SKAP1: variants seen among roughly 807,000 people sequenced by gnomAD.
SKAP1 encodes the protein src kinase associated phosphoprotein 1.
In SKAP1, 44 loss-of-function variants were observed where a neutral mutation model predicts 58.5. That is an observed-to-expected ratio of 0.75 (90% CI 0.59 to 0.97). The LOEUF (loss-of-function observed/expected upper bound fraction) is 0.97. SKAP1 is among the 50% of genes least tolerant of loss of function. The pLI is 0.00. For missense variants in SKAP1, 390 were observed against 435.2 expected (o/e 0.90, Z 0.92); for synonymous variants, 127 against 149.7 (o/e 0.85, Z 1.11).
chr17:48,239,753 C>T (rs1312737457), intron 4 of SKAP1, among the ~76,000 whole-genome samples: 2 of 151,876 alleles, frequency 1.3e-5, no homozygotes, highest in African/African-American at 2.4e-5. Flanking sequence ...TATGACATTA[C>T]ACATACTCAC....
intron 2 of SKAP1, among the ~76,000 whole-genome samples, chr17:48,370,256 T>C (rs182369091): frequency 3.3e-5 from 5 of 152,256 alleles, no homozygotes; most frequent in African/African-American, 4.8e-5. Context: ...TTACTAATCA[T>C]CAGAGAAATG....
rs1216975176 is a variant in SKAP1, at chr17:48,353,841, T to C, written c.179-7835A>G. Among the ~76,000 whole-genome samples the C allele has an allele frequency of 4.8e-5, 7 of 145,594 alleles. No individual in the cohort carries two copies. In the East Asian group the frequency reaches 1.4e-3, roughly 29 times the overall value. On this transcript the variant is annotated intron_variant, in intron 3 of 12. Coordinates refer to ENST00000336915, the MANE Select transcript of SKAP1 (RefSeq NM_003726.4). ...AAAACCCAGGAGGCAGAGGTTGCAG[T>C]GAGCCGAGATCGCGCCATTGCACTC...
intron 4 of SKAP1, among the ~76,000 whole-genome samples, chr17:48,304,788 C>A (rs1166198655): frequency 6.6e-6 from 1 of 152,136 alleles, no homozygotes; most frequent in Non-Finnish European, 1.5e-5. Context: ...AAAGTAGTAA[C>A]CCTACCATTG....
At chr17:48,210,736 GA>G (rs1030670432) in intron 4 of SKAP1, among the ~76,000 whole-genome samples, 3 of 152,184 alleles carry the variant, frequency 2.0e-5, no homozygotes, top group African/African-American at 7.2e-5. Flanking sequence ...AAATACTAAA[GA>G]AATTATTATC....
chr17:48,144,053 C>A (rs1404915183), intron 11 of SKAP1, among the ~76,000 whole-genome samples: 1 of 152,140 alleles, frequency 6.6e-6, no homozygotes, highest in Non-Finnish European at 1.5e-5. Flanking sequence ...GATGTAGAAG[C>A]CTCGCCACAG....
intron 11 of SKAP1, among the ~76,000 whole-genome samples, chr17:48,155,423 G>C (rs1168165734): frequency 6.6e-6 from 1 of 151,666 alleles, no homozygotes; most frequent in Non-Finnish European, 1.5e-5. Flanking sequence ...CTGCCAACAA[G>C]CATTATTATT....
intron 7 of SKAP1, 58 bp from the exon 8 acceptor site, chr17:48,182,515 A>T: frequency 3.1e-6 from 4 of 1,277,904 alleles, no homozygotes; most frequent in Admixed American, 3.6e-5. Flanking sequence ...ATGAATCTTG[A>T]CAGGGATGTC....
intron 6 of SKAP1, among the ~76,000 whole-genome samples, chr17:48,187,306 C>T (rs1298508421): frequency 2.0e-5 from 3 of 152,162 alleles, no homozygotes; most frequent in Non-Finnish European, 4.4e-5. Context: ...CTGCTGCTGT[C>T]ATCTGGCTGA....
intron 4 of SKAP1, among the ~76,000 whole-genome samples, chr17:48,204,918 ATCCTTCCT>A (rs72185809): frequency 5.9e-4 from 88 of 149,574 alleles, no homozygotes; most frequent in African/African-American, 2.0e-3. Context: ...TGTCAAGGAA[ATCCTTCCT>A]TCCTTCCTTC....
At chr17:48,187,084 G>A (rs958440605) in intron 6 of SKAP1, among the ~76,000 whole-genome samples, 3 of 152,172 alleles carry the variant, frequency 2.0e-5, no homozygotes, top group Non-Finnish European at 2.9e-5. Flanking sequence ...TCCCCTATTC[G>A]AAAGTTTGCA....
chr17:48,332,294 CTTACTTTTTATAA>C (rs1029815720), intron 4 of SKAP1, among the ~76,000 whole-genome samples: 9 of 151,938 alleles, frequency 5.9e-5, no homozygotes, highest in African/African-American at 2.2e-4. Context: ...GTTGAATAGG[CTTACTTTTTATAA>C]TTTCTTTTTA....
chr17:48,208,253 C>T (rs2064832427), intron 4 of SKAP1, among the ~76,000 whole-genome samples: 1 of 152,172 alleles, frequency 6.6e-6, no homozygotes, highest in African/African-American at 2.4e-5. Context: ...GCTGTGCTCT[C>T]TTACCTCTTA....
At chr17:48,250,288 T>G (rs549649242) in intron 4 of SKAP1, among the ~76,000 whole-genome samples, 15 of 125,704 alleles carry the variant, frequency 1.2e-4, no homozygotes, top group Middle Eastern at 3.7e-3. Flanking sequence ...TTTTTTTTTT[T>G]TTTTTTTTTT....
intron 4 of SKAP1, among the ~76,000 whole-genome samples, chr17:48,296,227 C>A (rs1306058178): frequency 6.6e-6 from 1 of 151,898 alleles, no homozygotes; most frequent in African/African-American, 2.4e-5. Context: ...AAAAAAAAAC[C>A]ACAGAAGAGA....
At chr17:48,161,794 A>C (rs1020890900) in intron 11 of SKAP1, among the ~76,000 whole-genome samples, 1 of 152,314 alleles carries the variant, frequency 6.6e-6, no homozygotes, top group South Asian at 2.1e-4. Context: ...TAAATGAAAT[A>C]AGAAGGCAGC....
At chr17:48,414,198 G>T (rs1020752351) in intron 1 of SKAP1, among the ~76,000 whole-genome samples, 1 of 152,076 alleles carries the variant, frequency 6.6e-6, no homozygotes, top group African/African-American at 2.4e-5. Context: ...TGGGTGTACA[G>T]GCCCATAGTA....
At chr17:48,260,630 GGTGT>G (rs375348026) in intron 4 of SKAP1, among the ~76,000 whole-genome samples, 1 of 151,848 alleles carries the variant, frequency 6.6e-6, no homozygotes, top group Non-Finnish European at 1.5e-5. Flanking sequence ...ACACTGGAGG[GGTGT>G]GTGTGTGTAT....
intron 4 of SKAP1, among the ~76,000 whole-genome samples, chr17:48,339,945 G>A (rs777498090): frequency 6.6e-6 from 1 of 152,136 alleles, no homozygotes; most frequent in African/African-American, 2.4e-5. Flanking sequence ...CACTTTGGGA[G>A]GCTGAGGCGG....
chr17:48,157,131 T>C (rs949592335), intron 11 of SKAP1, among the ~76,000 whole-genome samples: 1 of 152,220 alleles, frequency 6.6e-6, no homozygotes, highest in Non-Finnish European at 1.5e-5. Context: ...TTATCAGGAT[T>C]AGGAGATTTT....
Sources: allele counts gnomAD v4.1 joint callset (sites outside exome capture counted in the v4.1 genomes callset), GRCh38; gene constraint gnomAD v4.1.1; transcripts MANE v1.5; gene names NCBI Gene and HGNC (gene_info 2026-07-23, HGNC 2026-07-21).